CARMIL1: variants seen among roughly 807,000 people sequenced by gnomAD.
The protein encoded by CARMIL1 is capping protein regulator and myosin 1 linker 1.
CARMIL1 carries 90 observed loss-of-function variants against 177.1 expected under a neutral mutation model. The observed-to-expected ratio is 0.51, with a 90% CI of 0.43 to 0.61. CARMIL1 has a LOEUF of 0.61. CARMIL1 is among the 20% of genes least tolerant of loss of function. The pLI, the probability that CARMIL1 is intolerant of heterozygous loss-of-function variation, is 0.00. For missense variants in CARMIL1, 1,380 were observed against 1,667.0 expected, an observed-to-expected ratio of 0.83 and a Z score of 3.00; for synonymous variants, 577 against 606.2, an observed-to-expected ratio of 0.95 and a Z score of 0.71.
intron 4 of CARMIL1, among the ~76,000 whole-genome samples, chr6:25,427,744 G>C (rs572592013): frequency 1.3e-5 from 2 of 152,224 alleles, no homozygotes; most frequent in South Asian, 4.1e-4. Flanking sequence ...TTTAATGTTA[G>C]CCATTCAACA....
intron 2 of CARMIL1, among the ~76,000 whole-genome samples, chr6:25,357,172 A>G (rs1362419489): frequency 6.6e-6 from 1 of 152,006 alleles, no homozygotes; most frequent in Non-Finnish European, 1.5e-5. Flanking sequence ...AATAAACGTA[A>G]TTAATTAGAT....
chr6:25,562,607 G>A (rs78307459), intron 29 of CARMIL1, among the ~76,000 whole-genome samples: 3,959 of 152,200 alleles, frequency 0.026, 154 homozygotes, highest in African/African-American at 0.084. Context: ...GCCCTCACAG[G>A]CTACCCAAGA....
At chr6:25,422,095 A>G (rs1283090099) in intron 3 of CARMIL1, among the ~76,000 whole-genome samples, 2 of 152,190 alleles carry the variant, frequency 1.3e-5, no homozygotes, top group Non-Finnish European at 2.9e-5. Flanking sequence ...TTCAAAAGTA[A>G]TGAATGGGAG....
At chr6:25,540,170 C>A in intron 26 of CARMIL1, 92 bp downstream of exon 26, 2 of 1,192,356 alleles carry the variant, frequency 1.7e-6, no homozygotes, top group Non-Finnish European at 2.3e-6. Flanking sequence ...GTTTTATAGA[C>A]TTGTATGTGT....
intron 2 of CARMIL1, among the ~76,000 whole-genome samples, chr6:25,303,489 A>G (rs1475025588): frequency 6.6e-6 from 1 of 152,154 alleles, no homozygotes; most frequent in Non-Finnish European, 1.5e-5. Flanking sequence ...TTGACCCTTC[A>G]TTTTCCAAAC....
chr6:25,281,543 A>G (rs931981197), intron 1 of CARMIL1, among the ~76,000 whole-genome samples: 2 of 152,208 alleles, frequency 1.3e-5, no homozygotes, highest in African/African-American at 2.4e-5. Context: ...AATAGTTTGT[A>G]TATTTTAAAA....
intron 22 of CARMIL1, 49 bp from the exon 23 acceptor site, chr6:25,520,195 T>A: frequency 1.1e-6 from 1 of 874,708 alleles, no homozygotes; most frequent in South Asian, 1.7e-5. Flanking sequence ...TGAATTAAGG[T>A]AATAGGAAGT....
chr6:25,459,269 T>TCTTTCTTTCTTTCTCTTTCTTTC (rs56094712), intron 8 of CARMIL1, among the ~76,000 whole-genome samples: 7 of 118,160 alleles, frequency 5.9e-5, no homozygotes, highest in African/African-American at 1.9e-4. Flanking sequence ...TTTCTTTCTT[T>TCTTTCTTTCTTTCTCTTTCTTTC]TTTTTTTTTT....
chr6:25,364,572 C>CTTTTTTTTTTTTTTTTTTTT (rs199573991), intron 2 of CARMIL1, among the ~76,000 whole-genome samples: 1 of 150,470 alleles, frequency 6.6e-6, no homozygotes, highest in Non-Finnish European at 1.5e-5. Context: ...TCTTTTTCTT[C>CTTTTTTTTTTTTTTTTTTTT]TTTTTTTTGA....
intron 9 of CARMIL1, 31 bp from the exon 10 acceptor site, chr6:25,471,138 T>C (rs1201685370): frequency 1.4e-6 from 2 of 1,427,606 alleles, no homozygotes; most frequent in South Asian, 1.2e-5. Flanking sequence ...TTTAGAGTTA[T>C]GGAATAGTCA....
rs184689800 is a variant in CARMIL1 at position 25,552,891 on chromosome 6, C to A, written c.2505-1118C>A. On this transcript the variant is annotated intron_variant, in intron 27 of 36. Transcript: ENST00000329474. The stretch of plus-strand genomic sequence containing the variant: ...CCCTCTGAAAGTTTGGGGTGGGACC[C>A]AATAACCTGTATTTTTAATATGAGA... Among the ~76,000 whole-genome samples, 104 of 152,140 alleles carry A rather than the reference C, an allele frequency of 6.8e-4. 1 individual carries two copies. The highest frequency in any genetic ancestry group is 8.1e-4 in the Non-Finnish European group (55 of 67,958).
intron 2 of CARMIL1, among the ~76,000 whole-genome samples, chr6:25,309,822 T>G (rs1783635374): frequency 6.8e-6 from 1 of 147,862 alleles, no homozygotes. Context: ...CAGGCTAGAA[T>G]GCAATGGCAC....
intron 3 of CARMIL1, 57 bp downstream of exon 3, chr6:25,420,221 C>A: frequency 1.3e-6 from 2 of 1,484,296 alleles, no homozygotes; most frequent in Non-Finnish European, 1.9e-6. Context: ...CCCACTCATG[C>A]ATAGTCACTC....
intron 2 of CARMIL1, among the ~76,000 whole-genome samples, chr6:25,395,805 T>C (rs114803096): frequency 0.018 from 2,698 of 152,310 alleles, 80 homozygotes; most frequent in African/African-American, 0.058. Context: ...TTTGTCTTCC[T>C]ATTGAGGTAA....
At chr6:25,534,239 G>A (rs975324971) in intron 24 of CARMIL1, among the ~76,000 whole-genome samples, 1 of 151,794 alleles carries the variant, frequency 6.6e-6, no homozygotes, top group Admixed American at 6.6e-5. Context: ...ATGTTTATGG[G>A]GTAAGGGATT....
intron 29 of CARMIL1, among the ~76,000 whole-genome samples, chr6:25,579,735 C>A (rs1178712380): frequency 6.6e-6 from 1 of 152,010 alleles, no homozygotes; most frequent in Non-Finnish European, 1.5e-5. Flanking sequence ...GATTTCAATA[C>A]AATTGCTAAT....
intron 2 of CARMIL1, among the ~76,000 whole-genome samples, chr6:25,293,265 GGTGTGTGTGTGT>G (rs57127326): frequency 6.0e-4 from 81 of 134,384 alleles, no homozygotes; most frequent in Admixed American, 1.9e-3. Flanking sequence ...AAGGATGCTT[GGTGTGTGTGTGT>G]GTGTGTGTGT....
At chr6:25,616,034 A>G (rs1450118003) in intron 36 of CARMIL1, among the ~76,000 whole-genome samples, 2 of 152,226 alleles carry the variant, frequency 1.3e-5, no homozygotes, top group Non-Finnish European at 2.9e-5. Flanking sequence ...TGTTTTGAAT[A>G]AATTACCTGT....
At chr6:25,418,709 C>T (rs1443214142) in intron 2 of CARMIL1, among the ~76,000 whole-genome samples, 5 of 152,160 alleles carry the variant, frequency 3.3e-5, no homozygotes, top group Non-Finnish European at 7.3e-5. Flanking sequence ...TTTTAGAAGT[C>T]ATTTATTAAT....
Sources: allele counts gnomAD v4.1 joint callset (sites outside exome capture counted in the v4.1 genomes callset), GRCh38; gene constraint gnomAD v4.1.1; transcripts MANE v1.5; gene names NCBI Gene and HGNC (gene_info 2026-07-23, HGNC 2026-07-21).